The following DNAJC1 variants were observed in gnomAD, a reference collection of about 807,000 sequenced individuals.
DNAJC1 encodes DnaJ heat shock protein family (Hsp40) member C1, also known as dnaJ homolog subfamily C member 1.
DNAJC1 carries 58 observed loss-of-function variants against 76.6 expected under a neutral mutation model. The observed-to-expected ratio is 0.76, with a 90% confidence interval of 0.61 to 0.94. The LOEUF (loss-of-function observed/expected upper bound fraction) is 0.94. Ranked by LOEUF, DNAJC1 falls within the 40% of genes least tolerant of loss-of-function variation. DNAJC1 has a pLI of 0.00. For missense variants in DNAJC1, 689 were observed against 677.3 expected (o/e 1.02, Z -0.19); for synonymous variants, 258 against 267.9 (o/e 0.96, Z 0.36).
At chr10:21,839,478 C>T (rs1289682779) in intron 8 of DNAJC1, among the ~76,000 whole-genome samples, 16 of 152,150 alleles carry the variant, frequency 1.1e-4, no homozygotes, top group African/African-American at 2.4e-4. Flanking sequence ...AACACCTCTA[C>T]GCAAATAAAC....
intron 9 of DNAJC1, among the ~76,000 whole-genome samples, chr10:21,796,094 C>T (rs927628582): frequency 2.0e-5 from 3 of 151,602 alleles, no homozygotes; most frequent in East Asian, 1.9e-4. Flanking sequence ...CTCAGCCTCC[C>T]GAGTAGCTAG....
At chr10:21,844,841 T>C (rs1046415827) in intron 8 of DNAJC1, among the ~76,000 whole-genome samples, 3 of 152,194 alleles carry the variant, frequency 2.0e-5, no homozygotes, top group Non-Finnish European at 2.9e-5. Flanking sequence ...AATACCAGCC[T>C]TGGCAACATA....
At chr10:21,988,676 CTA>C (rs1838284148) in intron 1 of DNAJC1, among the ~76,000 whole-genome samples, 1 of 152,138 alleles carries the variant, frequency 6.6e-6, no homozygotes, top group East Asian at 1.9e-4. Flanking sequence ...CCTCATTGTC[CTA>C]TGTTTTCTTT....
In DNAJC1 at chr10:21,937,732, T is replaced by C. The variant is rs569517780; in HGVS notation, c.223-8591A>G. The stretch of plus-strand genomic sequence containing the variant: ...TTTTAGGCTATTAAATTGGTCTCAA[T>C]AAATTTAAAAAGACTGAAATCATAC... On this transcript the variant is annotated intron_variant, in intron 1 of 11. Transcript: ENST00000376980. 1.3e-4 allele frequency among the ~76,000 whole-genome samples: 20 copies of C among 152,226 alleles called. No individual in the cohort carries two copies. The East Asian group carries it at 3.7e-3, about 28-fold the overall frequency.
chr10:21,956,881 C>T (rs1837695365), intron 1 of DNAJC1, among the ~76,000 whole-genome samples: 1 of 149,634 alleles, frequency 6.7e-6, no homozygotes, highest in African/African-American at 2.5e-5. Flanking sequence ...TCTTTTCAGA[C>T]AATTCTTATT....
chr10:21,797,859 C>A (rs1834766105), intron 9 of DNAJC1, among the ~76,000 whole-genome samples: 1 of 152,096 alleles, frequency 6.6e-6, no homozygotes, highest in Non-Finnish European at 1.5e-5. Flanking sequence ...CATCTTAGTT[C>A]TTCATAAATT....
intron 8 of DNAJC1, among the ~76,000 whole-genome samples, chr10:21,816,505 C>T (rs1390141656): frequency 2.6e-4 from 38 of 146,642 alleles, no homozygotes; most frequent in Admixed American, 2.1e-3. Flanking sequence ...CACAGGAGCT[C>T]GAGACCAGCC....
intron 9 of DNAJC1, among the ~76,000 whole-genome samples, chr10:21,801,920 G>T (rs374060231): frequency 7.9e-5 from 12 of 152,246 alleles, no homozygotes; most frequent in African/African-American, 2.6e-4. Flanking sequence ...GTTCTCACTT[G>T]TAAGCGGGAG....
In DNAJC1 at chr10:22,001,435, A is replaced by G. The variant is rs146610261; in HGVS notation, c.222+1778T>C. On this transcript the variant is annotated intron_variant, in intron 1 of 11. Transcript: ENST00000376980. ...TCCTGGCATTCTTTCCAATTTTAAT[A>G]CAGCTGGATAGAGAAACACAGGTTA... Among the ~76,000 whole-genome samples the G allele has an allele frequency of 7.9e-5, 12 of 152,336 alleles. No individual in the cohort carries two copies. The East Asian group carries it at 2.3e-3, about 29-fold the overall frequency.
chr10:21,866,096 C>T (rs1469519583), intron 8 of DNAJC1, among the ~76,000 whole-genome samples: 1 of 143,002 alleles, frequency 7.0e-6, no homozygotes, highest in African/African-American at 2.7e-5. Flanking sequence ...GATCACACCA[C>T]TGCATTCCAG....
At chr10:21,804,660 CAAAA>C (rs56713100) in intron 9 of DNAJC1, among the ~76,000 whole-genome samples, 56 of 99,792 alleles carry the variant, frequency 5.6e-4, no homozygotes, top group Admixed American at 1.2e-3. Context: ...TGAAACACAG[CAAAA>C]AAAAAAAAAA....
chr10:21,836,668 G>A (rs1486816736), intron 8 of DNAJC1, among the ~76,000 whole-genome samples: 3 of 151,934 alleles, frequency 2.0e-5, no homozygotes, highest in Admixed American at 2.0e-4. Flanking sequence ...AAAAGGCAGG[G>A]GTTGCAATCC....
intron 1 of DNAJC1, among the ~76,000 whole-genome samples, chr10:21,962,710 C>T (rs1837819347): frequency 6.7e-6 from 1 of 150,106 alleles, no homozygotes; most frequent in Admixed American, 6.7e-5. Flanking sequence ...TCTTGAACTC[C>T]ACCATGCCTG....
rs367623010 is a variant in DNAJC1, at chr10:21,817,073, T to C, written c.979-10974A>G. 5.1e-4 allele frequency among the ~76,000 whole-genome samples: 70 copies of C among 137,008 alleles called. 2 individuals are homozygous for C. The East Asian group carries it at 0.014, about 28-fold the overall frequency. The allele number at this position is 137,008 out of a possible 152,430, so 89.9% of individuals were successfully genotyped here. ...TACTCAGGAGGCTGAGGCAGGAGAATGGCCTGAACCCGGGAGGTGGAGCTT... is the reference window on the plus strand; with the variant it reads ...TACTCAGGAGGCTGAGGCAGGAGAACGGCCTGAACCCGGGAGGTGGAGCTT... On this transcript the variant is annotated intron_variant, in intron 8 of 11. Transcript: ENST00000376980.
intron 9 of DNAJC1, among the ~76,000 whole-genome samples, chr10:21,775,792 A>C (rs1418234341): frequency 6.6e-6 from 1 of 152,180 alleles, no homozygotes; most frequent in Non-Finnish European, 1.5e-5. Context: ...GAAGACATTT[A>C]TTCCTATATA....
chr10:21,934,839 C>T (rs527962389), intron 1 of DNAJC1, among the ~76,000 whole-genome samples: 72 of 152,154 alleles, frequency 4.7e-4, no homozygotes, highest in Admixed American at 1.2e-3. Flanking sequence ...TGACTATATA[C>T]TTCTGGCTCC....
At position 21,901,894 on chromosome 10, in the gene DNAJC1, G is replaced by A. The variant is rs1421194498; in HGVS notation, c.820+2628C>T. Among the ~76,000 whole-genome samples, 9 of 152,264 alleles carry A rather than the reference G, an allele frequency of 5.9e-5. No individual in the cohort carries two copies. The East Asian group carries it at 1.5e-3, about 26-fold the overall frequency. ...GGGGCAAATGAAATGCACATTGGGGGATTTGGGGCCTTTATGTATTAATTC... is the reference window on the plus strand; with the variant it reads ...GGGGCAAATGAAATGCACATTGGGGAATTTGGGGCCTTTATGTATTAATTC... On this transcript the variant is annotated intron_variant, in intron 7 of 11. Transcript: ENST00000376980.
intron 8 of DNAJC1, among the ~76,000 whole-genome samples, chr10:21,813,220 C>CTCTA (rs1438462566): frequency 8.9e-4 from 17 of 19,086 alleles, no homozygotes; most frequent in Non-Finnish European, 1.1e-3. Flanking sequence ...CTCTCTCTCT[C>CTCTA]TATATATATA....
intron 1 of DNAJC1, among the ~76,000 whole-genome samples, chr10:21,954,400 C>A (rs1837648137): frequency 6.6e-6 from 1 of 152,068 alleles, no homozygotes; most frequent in African/African-American, 2.4e-5. Flanking sequence ...GTTGCAGGAG[C>A]TGAAACTTTC....
Sources: gnomAD v4.1 joint callset for allele counts (sites outside exome capture counted in the v4.1 genomes callset) on GRCh38, gnomAD v4.1.1 for gene constraint, MANE v1.5 for transcripts, NCBI Gene and HGNC (gene_info 2026-07-23, HGNC 2026-07-21) for gene names.